The following PRKAG2 variants were observed in gnomAD, a reference collection of about 807,000 sequenced individuals.
The protein encoded by PRKAG2 is 5'-AMP-activated protein kinase subunit gamma-2.
In PRKAG2, 26 loss-of-function variants were observed where a neutral mutation model predicts 69.6. The observed-to-expected ratio is 0.37, with a 90% CI of 0.27 to 0.52. PRKAG2 has a LOEUF of 0.52. Among genes scored for constraint, PRKAG2 ranks in the 20% least tolerant of loss-of-function variants. PRKAG2 has a pLI of 0.90. For missense variants in PRKAG2, 557 were observed against 740.0 expected (o/e 0.75, Z 2.87); for synonymous variants, 293 against 285.0 (o/e 1.03, Z -0.28).
At chr7:151,743,914 A>T (rs1306999716) in intron 3 of PRKAG2, among the ~76,000 whole-genome samples, 1 of 152,100 alleles carries the variant, frequency 6.6e-6, no homozygotes, top group East Asian at 1.9e-4. Flanking sequence ...CGTTCACTCT[A>T]ATACTTGGAT....
At chr7:151,789,873 G>A (rs1261184559) in intron 1 of PRKAG2, among the ~76,000 whole-genome samples, 1 of 152,196 alleles carries the variant, frequency 6.6e-6, no homozygotes, top group Admixed American at 6.5e-5. Context: ...CCTGCAGGCT[G>A]CAACCCAAGC....
At chr7:151,612,951 C>T (rs1819217992) in intron 5 of PRKAG2, among the ~76,000 whole-genome samples, 2 of 152,206 alleles carry the variant, frequency 1.3e-5, no homozygotes, top group African/African-American at 4.8e-5. Context: ...GAGGGAGCTA[C>T]AGGAGTAACC....
intron 11 of PRKAG2, 131 bp downstream of exon 11, chr7:151,568,585 T>C (rs1806819226): frequency 1.1e-6 from 1 of 951,858 alleles, no homozygotes; most frequent in African/African-American, 1.6e-5. Context: ...GTTGAGAAAC[T>C]GAAGTTTAGA....
intron 3 of PRKAG2, among the ~76,000 whole-genome samples, chr7:151,750,719 T>C (rs1038017010): frequency 2.0e-5 from 3 of 152,034 alleles, no homozygotes; most frequent in African/African-American, 7.2e-5. Context: ...TTATATACTT[T>C]AACACTGTTA....
chr7:151,711,304 AGTGCTAGGTTTAGAGTACTGAGG>A (rs796563461), intron 3 of PRKAG2, among the ~76,000 whole-genome samples: 15 of 113,688 alleles, frequency 1.3e-4, no homozygotes, highest in African/African-American at 4.5e-4. Context: ...GAGAGTACTG[AGTGCTAGGTTTAGAGTACTGAGG>A]GTGCTAGGCT....
chr7:151,756,108 G>T lies in PRKAG2; in HGVS notation c.466+25044C>A, dbSNP rs1012719370. Among the ~76,000 whole-genome samples the T allele has an allele frequency of 2.0e-5, 3 of 152,124 alleles. No homozygotes were observed. The highest frequency in any genetic ancestry group is 4.4e-5 in the Non-Finnish European group (3 of 68,018). On this transcript the variant is annotated intron_variant, in intron 3 of 15. Transcript: ENST00000287878. This position sits in a 1 kb window ranked among gnomAD's most constrained non-coding sequence, Gnocchi z 4.9. ...CCTCTCCCCCTGGACCACCAGTGAT[G>T]CCGGCAGCCACAGGTCCCTCTGCCC...
chr7:151,625,542 T>C (rs771809473), intron 5 of PRKAG2, among the ~76,000 whole-genome samples: 7 of 152,100 alleles, frequency 4.6e-5, no homozygotes, highest in Non-Finnish European at 1.0e-4. Flanking sequence ...AACAGCAGCA[T>C]GGCAAATTAA....
intron 15 of PRKAG2, chr7:151,558,977 C>T (rs1804359502): frequency 1.0e-6 from 1 of 985,322 alleles, no homozygotes; most frequent in Non-Finnish European, 1.2e-6. Flanking sequence ...TGACATTCAG[C>T]CTGACCCGCT....
rs570137909 is a variant in PRKAG2, at chr7:151,673,665, G to A, written c.684+1755C>T. On this transcript the variant is annotated intron_variant, in intron 4 of 15. Coordinates refer to ENST00000287878, the MANE Select transcript of PRKAG2 (RefSeq NM_016203.4). ...AATAGTATGTTCTCAGCATGGCAACGCATCTTCTCCTAAAAGATAACAACT... is the reference window on the plus strand; with the variant it reads ...AATAGTATGTTCTCAGCATGGCAACACATCTTCTCCTAAAAGATAACAACT... Among the ~76,000 whole-genome samples, 9 of 152,190 alleles carry A rather than the reference G, an allele frequency of 5.9e-5. No individual in the cohort carries two copies. The East Asian group carries it at 1.4e-3, about 23-fold the overall frequency.
At chr7:151,651,289 T>C (rs1260038654) in intron 4 of PRKAG2, among the ~76,000 whole-genome samples, 1 of 152,188 alleles carries the variant, frequency 6.6e-6, no homozygotes, top group Non-Finnish European at 1.5e-5. Flanking sequence ...TATAAAATCA[T>C]GCATGGGTGA....
intron 4 of PRKAG2, among the ~76,000 whole-genome samples, chr7:151,637,731 A>C (rs1247775936): frequency 6.7e-6 from 1 of 149,472 alleles, no homozygotes; most frequent in South Asian, 2.1e-4. Context: ...TTTATAACAC[A>C]CTAAGTCAAT....
intron 3 of PRKAG2, among the ~76,000 whole-genome samples, chr7:151,762,359 G>A (rs2075466699): frequency 6.6e-6 from 1 of 152,168 alleles, no homozygotes; most frequent in Non-Finnish European, 1.5e-5. Flanking sequence ...ATTGACACAC[G>A]TACTCACACA....
chr7:151,782,347 G>GGGAGGGAGGGAA (rs2076738942), intron 2 of PRKAG2, among the ~76,000 whole-genome samples: 1 of 25,766 alleles, frequency 3.9e-5, no homozygotes, highest in African/African-American at 1.4e-4. Flanking sequence ...GAAGGAGGGA[G>GGGAGGGAGGGAA]GGAGGGAGGG....
intron 4 of PRKAG2, among the ~76,000 whole-genome samples, chr7:151,646,612 C>A (rs943849060): frequency 6.6e-6 from 1 of 152,162 alleles, no homozygotes; most frequent in Non-Finnish European, 1.5e-5. Flanking sequence ...GTAATCACAT[C>A]ATCTACTGCC....
intron 4 of PRKAG2, among the ~76,000 whole-genome samples, chr7:151,670,206 C>T (rs542928229): frequency 6.6e-6 from 1 of 152,310 alleles, no homozygotes; most frequent in South Asian, 2.1e-4. Context: ...ACACCCTGCC[C>T]TCTTCCTCCT....
chr7:151,826,012 A>T (rs1002529732), intron 1 of PRKAG2, among the ~76,000 whole-genome samples: 2 of 152,152 alleles, frequency 1.3e-5, no homozygotes, highest in African/African-American at 4.8e-5. Flanking sequence ...CCACATTTGA[A>T]GAAGCCCCTC....
At chr7:151,824,469 C>A (rs139958503) in intron 1 of PRKAG2, among the ~76,000 whole-genome samples, 1 of 152,132 alleles carries the variant, frequency 6.6e-6, no homozygotes, top group South Asian at 2.1e-4. Flanking sequence ...TACTTTAAAT[C>A]GTGATGAGAT....
At chr7:151,861,387 T>C (rs1326230687) in intron 1 of PRKAG2, among the ~76,000 whole-genome samples, 2 of 151,610 alleles carry the variant, frequency 1.3e-5, no homozygotes, top group Non-Finnish European at 2.9e-5. Context: ...ACCTGGCCGG[T>C]CATGGTGGTG....
intron 1 of PRKAG2, among the ~76,000 whole-genome samples, chr7:151,840,915 C>G (rs1040326663): frequency 2.0e-5 from 3 of 152,242 alleles, no homozygotes; most frequent in Non-Finnish European, 4.4e-5. Flanking sequence ...AGGAAGATCA[C>G]TGGAGCCCAG....
Sources: gnomAD v4.1 joint callset for allele counts (sites outside exome capture counted in the v4.1 genomes callset) on GRCh38, gnomAD v4.1.1 for gene constraint, Gnocchi (gnomAD v3.1) non-coding constraint, MANE v1.5 for transcripts, NCBI Gene and HGNC (gene_info 2026-07-23, HGNC 2026-07-21) for gene names.